Variants in RERE observed in about 807,000 individuals in gnomAD.
The protein encoded by RERE is arginine-glutamic acid dipeptide repeats protein.
A neutral mutation model predicts 146.1 loss-of-function variants in RERE; 40 were observed. That is an observed-to-expected ratio of 0.27 (90% CI 0.21 to 0.36). The LOEUF is 0.36. Among genes scored for constraint, RERE ranks in the 10% least tolerant of loss-of-function variants. The probability of loss-of-function intolerance (pLI) is 1.00; values close to 1 mark genes in which losing one functional copy is unlikely to be tolerated. For synonymous variants in RERE, 1,003 were observed against 866.0 expected, an observed-to-expected ratio of 1.16 and a Z score of -2.78; for missense variants, 1,933 against 2,138.7, an observed-to-expected ratio of 0.90 and a Z score of 1.90.
chr1:8,697,396 CTT>C (rs746535721), intron 1 of RERE, among the ~76,000 whole-genome samples: 5 of 117,472 alleles, frequency 4.3e-5, no homozygotes, highest in African/African-American at 6.3e-5. Context: ...CCCCACACAA[CTT>C]TTTTTTTTTT....
intron 1 of RERE, among the ~76,000 whole-genome samples, chr1:8,715,663 G>C (rs557377826): frequency 6.6e-6 from 1 of 152,224 alleles, no homozygotes; most frequent in South Asian, 2.1e-4. Context: ...TAGCACTTTG[G>C]GAGGCCACAG....
chr1:8,414,661 A>G (rs187339697), intron 12 of RERE, among the ~76,000 whole-genome samples: 5 of 150,910 alleles, frequency 3.3e-5, no homozygotes, highest in Admixed American at 3.3e-4. Flanking sequence ...ACAAAGAATT[A>G]TATTTCCAAA....
At chr1:8,789,979 TA>T (rs1376231965) in intron 1 of RERE, among the ~76,000 whole-genome samples, 8 of 152,256 alleles carry the variant, frequency 5.3e-5, no homozygotes, top group Non-Finnish European at 7.3e-5. Context: ...TAGAAATCTC[TA>T]AATGTTGTAT....
chr1:8,500,796 G>C (rs1645125039), intron 8 of RERE, among the ~76,000 whole-genome samples: 1 of 151,682 alleles, frequency 6.6e-6, no homozygotes, highest in Non-Finnish European at 1.5e-5. Flanking sequence ...CATCGTCTGA[G>C]ATGTGGGGAG....
intron 11 of RERE, among the ~76,000 whole-genome samples, chr1:8,428,045 C>T (rs926058223): frequency 2.0e-5 from 3 of 152,178 alleles, no homozygotes; most frequent in Non-Finnish European, 4.4e-5. Flanking sequence ...AGCTGAAATT[C>T]GGCATTTCCA....
chr1:8,734,690 G>A lies in RERE; in HGVS notation c.-144-78249C>T, dbSNP rs562549013. Among the ~76,000 whole-genome samples the A allele has an allele frequency of 5.3e-5, 8 of 152,292 alleles. No homozygotes were observed. In the South Asian group the frequency reaches 1.5e-3, roughly 28 times the overall value. ...ACATAAAAAACACTTAAAAGAGGACGTTGCCTAAGTGCTCAATAAATGTCA... is the reference window on the plus strand; with the variant it reads ...ACATAAAAAACACTTAAAAGAGGACATTGCCTAAGTGCTCAATAAATGTCA... On this transcript the variant is annotated intron_variant, in intron 1 of 22. Coordinates refer to ENST00000400908, the MANE Select transcript of RERE (RefSeq NM_001042681.2).
intron 11 of RERE, among the ~76,000 whole-genome samples, chr1:8,443,299 A>G (rs1463515304): frequency 6.6e-6 from 1 of 151,918 alleles, no homozygotes; most frequent in Admixed American, 6.6e-5. Flanking sequence ...CATCTCTACT[A>G]AAGATACAAA....
chr1:8,408,328 T>C (rs1021085537), intron 12 of RERE, among the ~76,000 whole-genome samples: 1 of 152,158 alleles, frequency 6.6e-6, no homozygotes, highest in Non-Finnish European at 1.5e-5. Flanking sequence ...TCCCACAGGC[T>C]GGCCAAGAGC....
intron 6 of RERE, among the ~76,000 whole-genome samples, chr1:8,550,911 G>A (rs1481785912): frequency 6.6e-6 from 1 of 152,130 alleles, no homozygotes; most frequent in Non-Finnish European, 1.5e-5. Flanking sequence ...TGACTAATCT[G>A]TTTCAAGCCC....
chr1:8,617,850 G>A (rs192577519), intron 3 of RERE, among the ~76,000 whole-genome samples: 31 of 152,186 alleles, frequency 2.0e-4, no homozygotes, highest in African/African-American at 7.0e-4. Flanking sequence ...ATTCAAATTC[G>A]TGAAGAAAAC....
At chr1:8,692,892 T>C (rs1172875784) in intron 1 of RERE, among the ~76,000 whole-genome samples, 1 of 152,180 alleles carries the variant, frequency 6.6e-6, no homozygotes, top group African/African-American at 2.4e-5. Flanking sequence ...TTTTTACATC[T>C]AAAGTTTATG....
intron 1 of RERE, among the ~76,000 whole-genome samples, chr1:8,669,776 T>C (rs2124370315): frequency 6.6e-6 from 1 of 152,316 alleles, no homozygotes; most frequent in African/African-American, 2.4e-5. Flanking sequence ...TTGGACAGGG[T>C]TTCTTTCAGT....
intron 1 of RERE, among the ~76,000 whole-genome samples, chr1:8,684,396 T>A (rs1193725007): frequency 6.6e-6 from 1 of 151,866 alleles, no homozygotes; most frequent in Non-Finnish European, 1.5e-5. Flanking sequence ...AATTTATCAT[T>A]AAAAAAAATC....
At chr1:8,760,978 A>C (rs1231065381) in intron 1 of RERE, among the ~76,000 whole-genome samples, 1 of 152,204 alleles carries the variant, frequency 6.6e-6, no homozygotes, top group Non-Finnish European at 1.5e-5. Context: ...TCCATTATAT[A>C]GACAAGGAAA....
At chr1:8,745,664 G>A (rs1050840461) in intron 1 of RERE, among the ~76,000 whole-genome samples, 2 of 152,220 alleles carry the variant, frequency 1.3e-5, no homozygotes, top group East Asian at 1.9e-4. Flanking sequence ...TCTAATATAC[G>A]GATTGGACCT....
chr1:8,474,570 G>A (rs569938656), intron 10 of RERE, among the ~76,000 whole-genome samples: 9 of 152,250 alleles, frequency 5.9e-5, no homozygotes, highest in African/African-American at 1.7e-4. Flanking sequence ...TTCTGTCTGC[G>A]TGATGTTGCA....
chr1:8,631,911 GAAGAGAA>G (rs1647040544), intron 2 of RERE, among the ~76,000 whole-genome samples: 4 of 152,170 alleles, frequency 2.6e-5, no homozygotes, highest in African/African-American at 9.7e-5. Flanking sequence ...AGACACAAAG[GAAGAGAA>G]CTTCCAGGCT....
At chr1:8,534,474 G>A (rs527485336) in intron 7 of RERE, among the ~76,000 whole-genome samples, 2 of 152,050 alleles carry the variant, frequency 1.3e-5, no homozygotes, top group African/African-American at 2.4e-5. Flanking sequence ...TTATATATGC[G>A]ATAGATACAA....
chr1:8,472,936 G>C (rs1013220400), intron 10 of RERE, among the ~76,000 whole-genome samples: 9 of 150,500 alleles, frequency 6.0e-5, no homozygotes, highest in African/African-American at 2.0e-4. Flanking sequence ...TCACTAAACT[G>C]CATGACTGCA....
Sources: allele counts gnomAD v4.1 joint callset (sites outside exome capture counted in the v4.1 genomes callset), GRCh38; gene constraint gnomAD v4.1.1; transcripts MANE v1.5; gene names NCBI Gene and HGNC (gene_info 2026-07-23, HGNC 2026-07-21).